The following CBFA2T3 variants were observed in gnomAD, a reference collection of about 807,000 sequenced individuals.
The protein encoded by CBFA2T3 is transcriptional corepressor CBFA2T3.
A neutral mutation model predicts 58.6 loss-of-function variants in CBFA2T3; 31 were observed. That is an observed-to-expected ratio of 0.53 (90% CI 0.40 to 0.71). The LOEUF (loss-of-function observed/expected upper bound fraction) is 0.71, where lower values mean the gene tolerates loss of function less well. Among genes scored for constraint, CBFA2T3 ranks in the 30% least tolerant of loss-of-function variants. The pLI is 0.00. For synonymous variants in CBFA2T3, 531 were observed against 421.9 expected, an observed-to-expected ratio of 1.26 and a Z score of -3.17; for missense variants, 1,076 against 963.1, an observed-to-expected ratio of 1.12 and a Z score of -1.55.
chr16:88,935,578 C>CAGGTGGGTGGA (rs1971470684), intron 1 of CBFA2T3, among the ~76,000 whole-genome samples: 7 of 152,340 alleles, frequency 4.6e-5, no homozygotes, highest in South Asian at 2.1e-4. Context: ...AGGCTGTCCT[C>CAGGTGGGTGGA]GCGTGGGTGG....
chr16:88,975,112 G>GT (rs56946782), intron 1 of CBFA2T3, among the ~76,000 whole-genome samples: 1,996 of 46,322 alleles, frequency 0.043, 45 homozygotes, highest in African/African-American at 0.087. Flanking sequence ...TGTGTTAGAG[G>GT]CCACCCTGGC....
intron 1 of CBFA2T3, among the ~76,000 whole-genome samples, chr16:88,962,647 C>T (rs757965815): frequency 3.9e-5 from 6 of 152,206 alleles, no homozygotes; most frequent in Admixed American, 2.6e-4. Flanking sequence ...GACCACGTTT[C>T]GGGGGGAGAC....
At chr16:88,936,044 G>GA (rs1971487725) in intron 1 of CBFA2T3, among the ~76,000 whole-genome samples, 1 of 152,150 alleles carries the variant, frequency 6.6e-6, no homozygotes, top group African/African-American at 2.4e-5. Flanking sequence ...CCCTCGTGGG[G>GA]AGCCCCTCCC....
At chr16:88,960,844 C>G (rs1414069563) in intron 1 of CBFA2T3, among the ~76,000 whole-genome samples, 1 of 152,202 alleles carries the variant, frequency 6.6e-6, no homozygotes, top group Non-Finnish European at 1.5e-5. Flanking sequence ...GGGATCAAAT[C>G]CATCACAGGG....
intron 1 of CBFA2T3, among the ~76,000 whole-genome samples, chr16:88,947,461 C>T (rs980941001): frequency 7.2e-5 from 11 of 152,156 alleles, no homozygotes; most frequent in African/African-American, 2.4e-4. Context: ...TCTTTTGATT[C>T]CCCTATCGTA....
chr16:88,934,329 A>T (rs1238968953), intron 1 of CBFA2T3, among the ~76,000 whole-genome samples: 2 of 152,254 alleles, frequency 1.3e-5, no homozygotes, highest in African/African-American at 4.8e-5. Flanking sequence ...GGGAGGCTCC[A>T]TGCACGTTCC....
intron 5 of CBFA2T3, 41 bp from the exon 6 acceptor site, chr16:88,886,183 T>G (rs1969364474): frequency 7.0e-7 from 1 of 1,427,378 alleles, no homozygotes; most frequent in South Asian, 1.4e-5. Context: ...CATGCAGGGG[T>G]GCACAGCCCT....
chr16:88,925,795 C>T (rs1205611594), intron 1 of CBFA2T3, among the ~76,000 whole-genome samples: 2 of 152,228 alleles, frequency 1.3e-5, no homozygotes, highest in African/African-American at 4.8e-5. Flanking sequence ...GCTCCTGCTC[C>T]CCGGCGACGG....
intron 1 of CBFA2T3, among the ~76,000 whole-genome samples, chr16:88,972,343 G>C (rs750191519): frequency 5.9e-5 from 9 of 152,076 alleles, no homozygotes; most frequent in Non-Finnish European, 8.8e-5. Flanking sequence ...AGTTGGGGGG[G>C]AGTCAGGCTT....
At chr16:88,939,738 A>G (rs1329710557) in intron 1 of CBFA2T3, 1 of 152,300 alleles carries the variant, frequency 6.6e-6, no homozygotes, top group Non-Finnish European at 1.5e-5. Context: ...CCACGGAAGA[A>G]CGTGCCCAGG....
At chr16:88,930,440 C>A (rs1189147987) in intron 1 of CBFA2T3, among the ~76,000 whole-genome samples, 1 of 152,176 alleles carries the variant, frequency 6.6e-6, no homozygotes, top group Non-Finnish European at 1.5e-5. Flanking sequence ...ACAATGGGGG[C>A]AACAACCCAC....
chr16:88,927,172 C>T (rs1808448), intron 1 of CBFA2T3, among the ~76,000 whole-genome samples: 8,492 of 152,284 alleles, frequency 0.056, 419 homozygotes, highest in African/African-American at 0.13. Flanking sequence ...CACTATTTGT[C>T]GAGGGAATGA....
chr16:88,898,676 G>T (rs1485440751), intron 2 of CBFA2T3, among the ~76,000 whole-genome samples: 2 of 152,222 alleles, frequency 1.3e-5, no homozygotes, highest in East Asian at 1.9e-4. Context: ...ACTCGGCTTG[G>T]AGTCTCTGAA....
chr16:88,883,192 T>C (rs905431198), intron 7 of CBFA2T3: 56 of 249,082 alleles, frequency 2.2e-4, no homozygotes, highest in African/African-American at 1.3e-3. Flanking sequence ...GATGCCTCAG[T>C]GCCAAGTCAC....
At chr16:88,925,689 G>A (rs1971064000) in intron 1 of CBFA2T3, among the ~76,000 whole-genome samples, 1 of 152,162 alleles carries the variant, frequency 6.6e-6, no homozygotes, top group African/African-American at 2.4e-5. Flanking sequence ...AGTTTCTTCA[G>A]GGGCCGTCCC....
intron 1 of CBFA2T3, among the ~76,000 whole-genome samples, chr16:88,969,303 G>C (rs527867501): frequency 1.3e-5 from 2 of 152,328 alleles, no homozygotes; most frequent in Admixed American, 1.3e-4. Context: ...TCAGGAGGAA[G>C]CTCCGGGAGC....
chr16:88,947,836 C>T (rs1302052682), intron 1 of CBFA2T3, among the ~76,000 whole-genome samples: 1 of 152,176 alleles, frequency 6.6e-6, no homozygotes, highest in East Asian at 1.9e-4. Context: ...ATTGCTTGAG[C>T]CCAAGAGGTT....
chr16:88,882,739 T>C lies in CBFA2T3; in HGVS notation c.1140A>G (p.Glu380=), dbSNP rs758452090. ...RPLVVPGSRQ[E]EVIDHKLTER... ...CTGTGAGCTTGTGGTCGATCACTTC[T>C]TCCTGCCGGGACCCAGGCACCACTG... Residue 380 remains glutamate, a synonymous_variant, in exon 8 of 12, where the codon GAA becomes GAG. Transcript: ENST00000268679. 3.2e-6 allele frequency: 5 copies of C among 1,585,264 alleles called. No homozygotes were observed. In the South Asian group the frequency reaches 4.6e-5, roughly 15 times the overall value.
intron 1 of CBFA2T3, among the ~76,000 whole-genome samples, chr16:88,934,740 C>T (rs547287240): frequency 5.9e-5 from 9 of 152,326 alleles, no homozygotes; most frequent in African/African-American, 1.9e-4. Flanking sequence ...TTCAGAAGGA[C>T]GCATTCTTTT....
Sources: gnomAD v4.1 joint callset for allele counts (sites outside exome capture counted in the v4.1 genomes callset) on GRCh38, gnomAD v4.1.1 for gene constraint, MANE v1.5 for transcripts, NCBI Gene and HGNC (gene_info 2026-07-23, HGNC 2026-07-21) for gene names.